The following PDE4D variants were observed in gnomAD, a reference collection of about 807,000 sequenced individuals.
PDE4D encodes phosphodiesterase 4D.
Under a neutral mutation model 87.4 loss-of-function variants are expected in PDE4D, and 24 were observed. The ratio of observed to expected loss-of-function variants is 0.27; its 90% confidence interval spans 0.20 to 0.39. PDE4D has a LOEUF of 0.39. Ranked by LOEUF, PDE4D falls within the 10% of genes least tolerant of loss-of-function variation. The pLI, the probability that PDE4D is intolerant of heterozygous loss-of-function variation, is 1.00. For missense variants in PDE4D, 714 were observed against 1,041.0 expected (o/e 0.69, Z 4.32); for synonymous variants, 384 against 383.2 (o/e 1.00, Z -0.02).
intron 1 of PDE4D, among the ~76,000 whole-genome samples, chr5:59,372,214 A>T (rs903323786): frequency 6.6e-6 from 1 of 152,230 alleles, no homozygotes; most frequent in Non-Finnish European, 1.5e-5. Flanking sequence ...TACGTGTCTC[A>T]TAGCTTTATC....
At chr5:59,798,254 CTGTGTGTGTGTGTGTGTGTGTG>C (rs72009917) in intron 1 of PDE4D, among the ~76,000 whole-genome samples, 2 of 143,850 alleles carry the variant, frequency 1.4e-5, no homozygotes, top group African/African-American at 2.6e-5. Flanking sequence ...ATATAAATGC[CTGTGTGTGTGTGTGTGTGTGTG>C]TGTGTGTGTG....
chr5:60,374,326 A>G (rs1761266444), intron 1 of PDE4D, among the ~76,000 whole-genome samples: 1 of 152,188 alleles, frequency 6.6e-6, no homozygotes, highest in Non-Finnish European at 1.5e-5. Flanking sequence ...AATTGTTAGA[A>G]AGAAGGGAGG....
intron 1 of PDE4D, among the ~76,000 whole-genome samples, chr5:59,771,502 G>GAAAGAAAGA (rs1251101262): frequency 1.7e-5 from 2 of 119,010 alleles, no homozygotes; most frequent in African/African-American, 3.3e-5. Flanking sequence ...AGAGAGAGAA[G>GAAAGAAAGA]AAAGAAAGAA....
At chr5:60,386,175 A>G (rs1306582816) in intron 1 of PDE4D, among the ~76,000 whole-genome samples, 1 of 152,230 alleles carries the variant, frequency 6.6e-6, no homozygotes. Context: ...TTGGAAAAAA[A>G]TATATAGTAA....
chr5:59,337,593 CTATTAT>C (rs1295282714), intron 1 of PDE4D, among the ~76,000 whole-genome samples: 1 of 151,990 alleles, frequency 6.6e-6, no homozygotes, highest in South Asian at 2.1e-4. Context: ...GCCTTATGAG[CTATTAT>C]TATTATTTCA....
intron 1 of PDE4D, among the ~76,000 whole-genome samples, chr5:59,823,347 T>C (rs1379219019): frequency 6.6e-6 from 1 of 152,238 alleles, no homozygotes; most frequent in Non-Finnish European, 1.5e-5. Flanking sequence ...TGCATTCTTT[T>C]TTTTTCCATT....
intron 1 of PDE4D, among the ~76,000 whole-genome samples, chr5:59,577,103 C>A (rs966702783): frequency 2.6e-5 from 4 of 152,004 alleles, no homozygotes; most frequent in African/African-American, 9.7e-5. Context: ...CATGTTATTT[C>A]CTTAAATTAA....
intron 5 of PDE4D, among the ~76,000 whole-genome samples, chr5:59,106,374 T>C (rs1020409816): frequency 2.0e-5 from 3 of 152,260 alleles, no homozygotes; most frequent in Non-Finnish European, 4.4e-5. Flanking sequence ...CAAAGGCTTA[T>C]GATTTCTCAG....
At chr5:60,120,651 G>C (rs894302302) in intron 2 of PDE4D, among the ~76,000 whole-genome samples, 17 of 152,152 alleles carry the variant, frequency 1.1e-4, no homozygotes, top group Admixed American at 6.5e-4. Flanking sequence ...CAGTTCCTAA[G>C]AGAGTATTGC....
At chr5:59,647,153 G>A (rs1742605259) in intron 1 of PDE4D, among the ~76,000 whole-genome samples, 1 of 152,132 alleles carries the variant, frequency 6.6e-6, no homozygotes, top group African/African-American at 2.4e-5. Context: ...CCTTCAAGTT[G>A]AAATGGAAGC....
chr5:59,340,524 G>T (rs1359976346), intron 1 of PDE4D, among the ~76,000 whole-genome samples: 1 of 151,948 alleles, frequency 6.6e-6, no homozygotes, highest in African/African-American at 2.4e-5. Context: ...TTTATCCTTT[G>T]TGTTACAAAC....
rs187233435 is a variant in PDE4D, at chr5:59,762,553, G to T, written c.455+130615C>A. ...GTACACATGTGTATATGTGTATATG[G>T]GTACACATATGTGTATATGTGTATA... On this transcript the variant is annotated intron_variant, in intron 1 of 14. Coordinates refer to ENST00000340635, the MANE Select transcript of PDE4D (RefSeq NM_001104631.2). Among the ~76,000 whole-genome samples the T allele has an allele frequency of 1.7e-3, 185 of 110,292 alleles. 8 individuals are homozygous for T. Among genetic ancestry groups the T allele is most frequent in the Middle Eastern group, 9.1e-3 (1 of 110 alleles). 72.4% of individuals were successfully genotyped at this position (110,292 alleles called of 152,430 possible). A position where few individuals can be genotyped will look rare whatever the true frequency, so the allele number is the denominator to read the frequency against.
chr5:59,985,131 G>GTTTTTTTT (rs1357220308), intron 3 of PDE4D, among the ~76,000 whole-genome samples: 3 of 116,086 alleles, frequency 2.6e-5, no homozygotes, highest in Non-Finnish European at 3.6e-5. Flanking sequence ...TTCGTTTTTT[G>GTTTTTTTT]TTTTTTGTTT....
intron 3 of PDE4D, among the ~76,000 whole-genome samples, chr5:59,185,645 T>C (rs1331395929): frequency 6.6e-6 from 1 of 152,208 alleles, no homozygotes; most frequent in Non-Finnish European, 1.5e-5. Flanking sequence ...AATTCCCTAC[T>C]CCCAAATCTC....
At chr5:59,631,449 G>C (rs1831552653) in intron 1 of PDE4D, among the ~76,000 whole-genome samples, 1 of 152,152 alleles carries the variant, frequency 6.6e-6, no homozygotes, top group Admixed American at 6.5e-5. Context: ...TCAATTGTAA[G>C]AGAATAAAGA....
chr5:59,830,177 T>C (rs2152696467), intron 1 of PDE4D, among the ~76,000 whole-genome samples: 1 of 152,132 alleles, frequency 6.6e-6, no homozygotes, highest in African/African-American at 2.4e-5. Flanking sequence ...AGCTGACAGA[T>C]AGCATCTTTT....
chr5:59,680,706 G>A (rs1304399314), intron 1 of PDE4D, among the ~76,000 whole-genome samples: 2 of 151,996 alleles, frequency 1.3e-5, no homozygotes, highest in African/African-American at 4.8e-5. Flanking sequence ...TTTTTCCATA[G>A]AGGCGTGAGT....
intron 1 of PDE4D, among the ~76,000 whole-genome samples, chr5:60,255,194 A>G (rs1748911069): frequency 6.6e-6 from 1 of 151,924 alleles, no homozygotes; most frequent in African/African-American, 2.4e-5. Context: ...GATAAGCAAA[A>G]GAAAACGTAC....
chr5:59,115,645 T>A (rs1773474665), intron 5 of PDE4D, among the ~76,000 whole-genome samples: 1 of 152,224 alleles, frequency 6.6e-6, no homozygotes, highest in African/African-American at 2.4e-5. Context: ...TCCTTCCTTA[T>A]GCTGATCTAT....
Sources: gnomAD v4.1 joint callset for allele counts (sites outside exome capture counted in the v4.1 genomes callset) on GRCh38, gnomAD v4.1.1 for gene constraint, MANE v1.5 for transcripts, NCBI Gene and HGNC (gene_info 2026-07-23, HGNC 2026-07-21) for gene names.